The following ZFHX4 variants were observed in gnomAD, a reference collection of about 807,000 sequenced individuals.
ZFHX4 encodes zinc finger homeobox protein 4.
Under a neutral mutation model 267.6 loss-of-function variants are expected in ZFHX4, and 56 were observed. The ratio of observed to expected loss-of-function variants is 0.21; its 90% CI spans 0.17 to 0.26. The LOEUF is 0.26. ZFHX4 is among the 10% of genes least tolerant of loss of function. The pLI is 1.00. For missense variants in ZFHX4, 4,332 were observed against 4,420.0 expected, an observed-to-expected ratio of 0.98 and a Z score of 0.56; for synonymous variants, 1,778 against 1,665.6, an observed-to-expected ratio of 1.07 and a Z score of -1.64.
chr8:76,735,715 A>G (rs73356744), intron 3 of ZFHX4, among the ~76,000 whole-genome samples: 2,059 of 152,226 alleles, frequency 0.014, 60 homozygotes, highest in African/African-American at 0.045. Flanking sequence ...TTAGCTGCCC[A>G]TTTGCAGACA....
Position 76,778,232 on chromosome 8 carries a change from G to A in ZFHX4, c.3118G>A (p.Val1040Met), listed in dbSNP as rs374363934. Reference sequence around the variant, plus strand: ...GCACTTGCAGAAGCAAGAGGGTGCAGTGAATCCCGAATCCTGCTATTACTA... The same window carrying A: ...GCACTTGCAGAAGCAAGAGGGTGCAATGAATCCCGAATCCTGCTATTACTA... ...YKHLQKQEGA[V>M]NPESCYYYCA... Residue 1040 changes from valine (V) to methionine (M), a missense_variant, in exon 4 of 11, where the codon GTG becomes ATG. Val to Met is a conservative substitution (Grantham distance 21, BLOSUM62 1). Transcript: ENST00000651372. 6 of 1,613,158 alleles carry A rather than the reference G, an allele frequency of 3.7e-6. No individual in the cohort carries two copies. The African/African-American group carries it at 6.7e-5, about 18-fold the overall frequency.
At chr8:76,808,499 C>A (rs1039255572) in intron 4 of ZFHX4, among the ~76,000 whole-genome samples, 1 of 152,138 alleles carries the variant, frequency 6.6e-6, no homozygotes, top group Non-Finnish European at 1.5e-5. Flanking sequence ...ATGACGCTAA[C>A]GAATCCCAGC....
At chr8:76,839,053 A>AAGAG (rs35873786) in intron 5 of ZFHX4, among the ~76,000 whole-genome samples, 14,137 of 107,168 alleles carry the variant, frequency 0.13, 1,413 homozygotes, top group Non-Finnish European at 0.18. Flanking sequence ...CTCTGTCTGA[A>AAGAG]AGAGAGAGAG....
At chr8:76,749,573 T>A (rs1273626062) in intron 3 of ZFHX4, among the ~76,000 whole-genome samples, 6 of 152,182 alleles carry the variant, frequency 3.9e-5, no homozygotes, top group Non-Finnish European at 8.8e-5. Context: ...TCATGATTCT[T>A]TTTGAATGGG....
At chr8:76,847,619 T>C (rs1046998194) in intron 6 of ZFHX4, among the ~76,000 whole-genome samples, 1 of 152,152 alleles carries the variant, frequency 6.6e-6, no homozygotes, top group Non-Finnish European at 1.5e-5. Flanking sequence ...AATTATATTT[T>C]AATTTTGATC....
intron 3 of ZFHX4, among the ~76,000 whole-genome samples, chr8:76,756,529 CT>C (rs1371427673): frequency 2.0e-5 from 3 of 151,938 alleles, no homozygotes; most frequent in Non-Finnish European, 4.4e-5. Context: ...TGTTAGATGC[CT>C]TATAATATAT....
intron 4 of ZFHX4, 55 bp downstream of exon 4, chr8:76,778,494 CACACACACACACACAA>C (rs1446910179): frequency 1.7e-5 from 22 of 1,285,024 alleles, no homozygotes; most frequent in African/African-American, 2.9e-5. Context: ...CACTTCATCA[CACACACACACACACAA>C]ACACACACAC....
rs1808216473 is a variant in ZFHX4 at position 76,705,148 on chromosome 8, A to G, written c.1060A>G (p.Ile354Val). 5 of 1,613,498 alleles carry G rather than the reference A, an allele frequency of 3.1e-6. No homozygotes were observed. The highest frequency in any genetic ancestry group is 4.2e-6 in the Non-Finnish European group (5 of 1,179,536). ...VYPHFSTTNL[I>V]GPDPTFRGLW... ...TCCCCATTTTTCTACTACAAACCTC[A>G]TAGGACCCGATCCAACCTTCCGCGG... The change falls in exon 2 of 11, where the codon ATA (isoleucine) becomes GTA (valine). Residue 354 changes from isoleucine to valine, a missense_variant. Ile to Val is a conservative substitution (Grantham distance 29). Around this residue, in one of 7 missense-constraint regions of ZFHX4, gnomAD observed 1,195 missense variants for 1,173.6 expected, o/e 1.02. Transcript: ENST00000651372.
At chr8:76,740,375 A>G (rs569173476) in intron 3 of ZFHX4, among the ~76,000 whole-genome samples, 43 of 152,048 alleles carry the variant, frequency 2.8e-4, no homozygotes, top group African/African-American at 9.4e-4. Context: ...GGGAAAGAAG[A>G]GTATAAAATG....
At chr8:76,844,041 G>T (rs760581146) in intron 6 of ZFHX4, among the ~76,000 whole-genome samples, 1 of 152,074 alleles carries the variant, frequency 6.6e-6, no homozygotes, top group Non-Finnish European at 1.5e-5. Flanking sequence ...GTATTAAGCC[G>T]CAAGCAATGT....
chr8:76,721,409 T>TA (rs1306796809), intron 3 of ZFHX4, among the ~76,000 whole-genome samples: 1 of 152,166 alleles, frequency 6.6e-6, no homozygotes, highest in East Asian at 1.9e-4. Flanking sequence ...CCTAATTGAT[T>TA]AAAAATGCCC....
At chr8:76,697,770 A>G (rs1319672859) in intron 1 of ZFHX4, among the ~76,000 whole-genome samples, 2 of 152,062 alleles carry the variant, frequency 1.3e-5, no homozygotes, top group Non-Finnish European at 2.9e-5. Flanking sequence ...GCATTTTATC[A>G]TAGTACCTGA....
chr8:76,724,442 C>A (rs1202715023), intron 3 of ZFHX4, among the ~76,000 whole-genome samples: 3 of 151,974 alleles, frequency 2.0e-5, no homozygotes, highest in African/African-American at 7.2e-5. Flanking sequence ...GATGGTATTA[C>A]CCTATCTTTC....
In ZFHX4 at chr8:76,863,777, G is replaced by T; in HGVS notation, c.10063G>T (p.Asp3355Tyr). ...GGCAAAGACATCCAAAGTAGAAAGT[G>T]ACCAGCCGCAAAACTCCAACGATGC... ...VQAKTSKVES[D>Y]QPQNSNDASE... The change falls in exon 11 of 11, where the codon GAC becomes TAC. Residue 3355 changes from aspartate (D) to tyrosine (Y), a missense_variant. Coordinates refer to ENST00000651372, the MANE Select transcript of ZFHX4 (RefSeq NM_024721.5). 6.4e-7 allele frequency: 1 copy of T among 1,552,042 alleles called. No homozygotes were observed. Among genetic ancestry groups the T allele is most frequent in the South Asian group, 1.2e-5 (1 of 84,264 alleles).
chr8:76,693,843 CTGTT>C lies in ZFHX4; in HGVS notation c.-46-10198_-46-10195del, dbSNP rs574442817. On this transcript the variant is annotated intron_variant, in intron 1 of 10. Coordinates refer to ENST00000651372, the MANE Select transcript of ZFHX4 (RefSeq NM_024721.5). ...GCCAGAAGTTGCTGGTCATAGAAGTCTGTTTAAGTGCTCACTGTCAACAAGGAAA... is the reference window on the plus strand; with the variant it reads ...GCCAGAAGTTGCTGGTCATAGAAGTCTAAGTGCTCACTGTCAACAAGGAAA... 3.3e-5 allele frequency among the ~76,000 whole-genome samples: 5 copies of C among 152,276 alleles called. No homozygotes were observed. The East Asian group carries it at 9.7e-4, about 29-fold the overall frequency.
chr8:76,841,181 A>G (rs930375889), intron 5 of ZFHX4, among the ~76,000 whole-genome samples: 7 of 152,170 alleles, frequency 4.6e-5, no homozygotes, highest in African/African-American at 1.7e-4. Flanking sequence ...TTTTGAATGT[A>G]TTAAATGTCC....
intron 4 of ZFHX4, among the ~76,000 whole-genome samples, chr8:76,824,651 C>CA (rs774660349): frequency 6.0e-4 from 92 of 152,302 alleles, no homozygotes; most frequent in Non-Finnish European, 1.1e-3. Context: ...TAGCTCACTG[C>CA]AACCTCAAAC....
chr8:76,854,216 C>G lies in ZFHX4; in HGVS notation c.7295C>G (p.Ala2432Gly). The G allele has an allele frequency of 6.4e-7, 1 of 1,567,236 alleles. No homozygotes were observed. Among genetic ancestry groups the G allele is most frequent in the Non-Finnish European group, 8.6e-7 (1 of 1,156,242 alleles). The change falls in exon 10 of 11, where the codon GCA becomes GGA. Residue 2432 changes from alanine to glycine, a missense_variant. Ala to Gly is a moderately conservative substitution (Grantham distance 60). This residue lies in a region of ZFHX4 where 1,648 missense variants were observed against 1,625.0 expected (regional missense o/e 1.01). Transcript: ENST00000651372. ...SQGTKPALPL[A>G]STSSDPPQAS... ...GGCACCAAACCAGCCCTGCCATTAG[C>G]ATCGACTTCCTCGGACCCACCACAG...
intron 3 of ZFHX4, among the ~76,000 whole-genome samples, chr8:76,721,671 T>G (rs1279096713): frequency 2.0e-5 from 3 of 152,170 alleles, no homozygotes; most frequent in African/African-American, 7.2e-5. Flanking sequence ...AATTAATATT[T>G]AGATTTCTTG....
Sources: gnomAD v4.1 joint callset for allele counts (sites outside exome capture counted in the v4.1 genomes callset) on GRCh38, gnomAD v4.1.1 for gene constraint, gnomAD v4.1.1 regional missense constraint, MANE v1.5 for transcripts, NCBI Gene and HGNC (gene_info 2026-07-23, HGNC 2026-07-21) for gene names.